LAMC1: variants seen among roughly 807,000 people sequenced by gnomAD.
The protein encoded by LAMC1 is laminin subunit gamma 1.
LAMC1 carries 38 observed loss-of-function variants against 173.6 expected under a neutral mutation model. That is an observed-to-expected ratio of 0.22 (90% confidence interval 0.17 to 0.29). The LOEUF is 0.29. Among genes scored for constraint, LAMC1 ranks in the 10% least tolerant of loss-of-function variants. The pLI, the probability that LAMC1 is intolerant of heterozygous loss-of-function variation, is 1.00. For missense variants in LAMC1, 1,824 were observed against 2,051.8 expected, an observed-to-expected ratio of 0.89 and a Z score of 2.14; for synonymous variants, 746 against 749.1, an observed-to-expected ratio of 1.00 and a Z score of 0.07.
intron 1 of LAMC1, among the ~76,000 whole-genome samples, chr1:183,094,512 CCAGTGCCTAGAA>C (rs1167568157): frequency 6.6e-6 from 1 of 152,168 alleles, no homozygotes; most frequent in Non-Finnish European, 1.5e-5. Flanking sequence ...CTGCTGATCC[CCAGTGCCTAGAA>C]CAGGGACTGA....
In LAMC1 at chr1:183,122,071, A is replaced by T. The variant is rs1364484962; in HGVS notation, c.2221A>T (p.Asn741Tyr). The change falls in exon 13 of 28, where the codon AAC becomes TAC. Residue 741 changes from asparagine (N) to tyrosine (Y), a missense_variant. Physicochemically the swap from Asn to Tyr is moderately radical, Grantham distance 143. Transcript: ENST00000258341. Reference sequence around the variant, plus strand: ...GCCTGCCTTCCAAATAGGTGTTTGTAACTGCAGAGACAATACGGCTGGCCC... The same window carrying T: ...GCCTGCCTTCCAAATAGGTGTTTGTTACTGCAGAGACAATACGGCTGGCCC... ...ETCDPETGVCNCRDNTAGPHC... is the reference protein window; with the variant it reads ...ETCDPETGVCYCRDNTAGPHC... The T allele has an allele frequency of 6.2e-7, 1 of 1,613,282 alleles. No homozygotes were observed. The highest frequency in any genetic ancestry group is 8.5e-7 in the Non-Finnish European group (1 of 1,179,316).
intron 11 of LAMC1, among the ~76,000 whole-genome samples, chr1:183,120,586 G>C (rs1656443856): frequency 6.6e-6 from 1 of 152,180 alleles, no homozygotes; most frequent in Non-Finnish European, 1.5e-5. Context: ...CAAAACACTA[G>C]AGTGGAATGG....
intron 1 of LAMC1, among the ~76,000 whole-genome samples, chr1:183,068,676 T>G (rs1176195646): frequency 6.6e-6 from 1 of 152,144 alleles, no homozygotes; most frequent in Non-Finnish European, 1.5e-5. Flanking sequence ...GCACGGTAGC[T>G]CATGCCTGTA....
At chr1:183,139,269 A>T (rs750511181) in intron 26 of LAMC1, among the ~76,000 whole-genome samples, 37 of 152,218 alleles carry the variant, frequency 2.4e-4, no homozygotes, top group Non-Finnish European at 4.7e-4. Flanking sequence ...AACCACCCTC[A>T]CATGCACTAT....
chr1:183,063,802 T>A (rs1213724670), intron 1 of LAMC1, among the ~76,000 whole-genome samples: 1 of 152,222 alleles, frequency 6.6e-6, no homozygotes, highest in Non-Finnish European at 1.5e-5. Flanking sequence ...TTGCTTGAAA[T>A]CTTCCCCAGG....
At chr1:183,139,099 A>T (rs1161025897) in intron 26 of LAMC1, among the ~76,000 whole-genome samples, 1 of 152,226 alleles carries the variant, frequency 6.6e-6, no homozygotes, top group East Asian at 1.9e-4. Flanking sequence ...TTGAGCATAT[A>T]TGGATTTCAT....
At chr1:183,121,399 C>G (rs1160762907) in intron 11 of LAMC1, among the ~76,000 whole-genome samples, 2 of 152,102 alleles carry the variant, frequency 1.3e-5, no homozygotes, top group East Asian at 3.8e-4. Flanking sequence ...GCACTCCAGC[C>G]TGGGAGACGG....
chr1:183,026,412 C>G (rs1032468357), intron 1 of LAMC1, among the ~76,000 whole-genome samples: 5 of 152,004 alleles, frequency 3.3e-5, no homozygotes, highest in East Asian at 1.9e-4. Flanking sequence ...GTCCTCCCCC[C>G]CCCTTTAATG....
At chr1:183,030,210 T>C (rs1401620751) in intron 1 of LAMC1, among the ~76,000 whole-genome samples, 1 of 152,192 alleles carries the variant, frequency 6.6e-6, no homozygotes, top group African/African-American at 2.4e-5. Flanking sequence ...AGTTGAGTAA[T>C]AGCGACAGAC....
rs1656754725 is a variant in LAMC1, at chr1:183,130,520, G to C, written c.3457G>C (p.Glu1153Gln). 1 of 1,614,212 alleles carries C rather than the reference G, an allele frequency of 6.2e-7. No individual in the cohort carries two copies. Among genetic ancestry groups the C allele is most frequent in the South Asian group, 1.1e-5 (1 of 91,080 alleles). Reference protein sequence around the residue: ...RLIEIASRELEKAKVAAANVS... With the variant: ...RLIEIASRELQKAKVAAANVS... ...GATTGAAATCGCATCCAGAGAACTTGAGAAAGCAAAAGTCGCTGCTGCCAA... is the reference window on the plus strand; with the variant it reads ...GATTGAAATCGCATCCAGAGAACTTCAGAAAGCAAAAGTCGCTGCTGCCAA... Residue 1153 changes from glutamate (E) to glutamine (Q), a missense_variant, in exon 19 of 28, where the codon GAG becomes CAG. By Grantham distance (29) the Glu-to-Gln change is conservative (BLOSUM62 2). Coordinates refer to ENST00000258341, the MANE Select transcript of LAMC1 (RefSeq NM_002293.4).
intron 1 of LAMC1, among the ~76,000 whole-genome samples, chr1:183,038,236 A>G (rs1654034756): frequency 6.6e-6 from 1 of 152,080 alleles, no homozygotes; most frequent in Non-Finnish European, 1.5e-5. Flanking sequence ...GGGTTCTACC[A>G]TGTTGGCCAG....
chr1:183,078,037 T>A (rs898450794), intron 1 of LAMC1, among the ~76,000 whole-genome samples: 1 of 152,068 alleles, frequency 6.6e-6, no homozygotes, highest in Admixed American at 6.5e-5. Context: ...TGTGTTTGCA[T>A]TTTAGTGTAC....
At chr1:183,105,630 G>A (rs1324597618) in intron 2 of LAMC1, among the ~76,000 whole-genome samples, 2 of 111,546 alleles carry the variant, frequency 1.8e-5, no homozygotes, top group Non-Finnish European at 4.1e-5. Flanking sequence ...TTATGACCTT[G>A]CATTTAAAAA....
intron 1 of LAMC1, among the ~76,000 whole-genome samples, chr1:183,099,097 GT>G (rs565189051): frequency 4.7e-5 from 7 of 150,506 alleles, no homozygotes; most frequent in East Asian, 3.9e-4. Context: ...TGTTTTTGTT[GT>G]TTTTTTTTGA....
chr1:183,093,189 C>A (rs1655608922), intron 1 of LAMC1, among the ~76,000 whole-genome samples: 2 of 152,084 alleles, frequency 1.3e-5, no homozygotes, highest in Admixed American at 6.5e-5. Context: ...GTTTTTATTA[C>A]CTGTCTCCAA....
chr1:183,057,898 A>T (rs745714376), intron 1 of LAMC1, among the ~76,000 whole-genome samples: 2 of 152,160 alleles, frequency 1.3e-5, no homozygotes, highest in South Asian at 4.1e-4. Flanking sequence ...ATGTGCTCTA[A>T]CTAAACATAT....
chr1:183,023,815 C>T lies in LAMC1; in HGVS notation c.99C>T (p.Ala33=), dbSNP rs1653604592. Reference sequence around the variant, plus strand: ...CGGCGGCCGCCGCGGCGGGCTGTGCCCAGGCAGCCATGGACGAGTGCACGG... The same window carrying T: ...CGGCGGCCGCCGCGGCGGGCTGTGCTCAGGCAGCCATGGACGAGTGCACGG... ...VLAAAAAAGC[A]QAAMDECTDE... The change falls in exon 1 of 28, where the codon GCC becomes GCT. Residue 33 remains alanine (A), a synonymous_variant. Coordinates refer to ENST00000258341, the MANE Select transcript of LAMC1 (RefSeq NM_002293.4). 2 of 1,565,194 alleles carry T rather than the reference C, an allele frequency of 1.3e-6. No homozygotes were observed. The highest frequency in any genetic ancestry group is 8.7e-7 in the Non-Finnish European group (1 of 1,155,564).
intron 27 of LAMC1, chr1:183,140,768 C>A: frequency 4.4e-6 from 1 of 229,002 alleles, no homozygotes; most frequent in Non-Finnish European, 8.4e-6. Context: ...ACAGTGTGAC[C>A]TGAATCATGA....
rs78795100 is a variant in LAMC1, at chr1:183,040,447, A to G, written c.418+16313A>G. Among the ~76,000 whole-genome samples the G allele has an allele frequency of 4.3e-4, 66 of 152,360 alleles. 2 individuals carry two copies. In the East Asian group the frequency reaches 0.011, roughly 26 times the overall value. On this transcript the variant is annotated intron_variant, in intron 1 of 27. Coordinates refer to ENST00000258341, the MANE Select transcript of LAMC1 (RefSeq NM_002293.4). ...CAAACATCTGCTGGGAAATCTGACA[A>G]TTTCTGAAATACAGATATTCCATAG...
Sources: gnomAD v4.1 joint callset for allele counts (sites outside exome capture counted in the v4.1 genomes callset) on GRCh38, gnomAD v4.1.1 for gene constraint, MANE v1.5 for transcripts, NCBI Gene and HGNC (gene_info 2026-07-23, HGNC 2026-07-21) for gene names.